SNX18: variants seen among roughly 807,000 people sequenced by gnomAD.
The protein encoded by SNX18 is sorting nexin 18.
A neutral mutation model predicts 48.7 loss-of-function variants in SNX18; 35 were observed. The observed-to-expected ratio is 0.72, with a 90% CI of 0.55 to 0.95. The LOEUF (loss-of-function observed/expected upper bound fraction) is 0.95, where lower values mean the gene tolerates loss of function less well. SNX18 is among the 40% of genes least tolerant of loss of function. SNX18 has a pLI of 0.00. For synonymous variants in SNX18, 492 were observed against 384.7 expected (o/e 1.28, Z -3.26); for missense variants, 824 against 871.0 (o/e 0.95, Z 0.68).
intron 1 of SNX18, among the ~76,000 whole-genome samples, chr5:54,539,598 A>T (rs1208062193): frequency 6.6e-6 from 1 of 151,794 alleles, no homozygotes; most frequent in East Asian, 1.9e-4. Flanking sequence ...GACCTATTTC[A>T]CTTTGCGTCA....
chr5:54,637,581 C>T, the SNX18 span, among the ~76,000 whole-genome samples: 2 of 152,216 alleles, frequency 1.3e-5, no homozygotes, highest in African/African-American at 4.8e-5. Flanking sequence ...AAAAATAGTA[C>T]ATACTAGGTA....
the SNX18 span, among the ~76,000 whole-genome samples, chr5:54,593,268 TA>T: frequency 6.6e-6 from 1 of 152,212 alleles, no homozygotes; most frequent in African/African-American, 2.4e-5. Context: ...ACTCACTGTA[TA>T]AGAAATCTTT....
chr5:54,573,086 A>T, the SNX18 span, among the ~76,000 whole-genome samples: 9 of 152,020 alleles, frequency 5.9e-5, no homozygotes, highest in Non-Finnish European at 1.2e-4. Context: ...TAATATCCTG[A>T]TATCTTGAGA....
At chr5:54,562,232 G>T in the SNX18 span, among the ~76,000 whole-genome samples, 1 of 152,166 alleles carries the variant, frequency 6.6e-6, no homozygotes, top group African/African-American at 2.4e-5. Flanking sequence ...TTGCCAGAGG[G>T]CCATGGTAGG....
chr5:54,642,383 T>C, the SNX18 span, among the ~76,000 whole-genome samples: 2 of 142,598 alleles, frequency 1.4e-5, no homozygotes, highest in East Asian at 2.0e-4. Context: ...TTATGTTGGG[T>C]TTTTTTTTTT....
intron 1 of SNX18, among the ~76,000 whole-genome samples, chr5:54,535,700 G>A (rs1000390376): frequency 2.0e-5 from 3 of 152,156 alleles, no homozygotes; most frequent in African/African-American, 7.2e-5. Context: ...TTAGCTGTGG[G>A]ACTTTGAACA....
At chr5:54,617,155 C>T in the SNX18 span, among the ~76,000 whole-genome samples, 2 of 152,248 alleles carry the variant, frequency 1.3e-5, no homozygotes, top group African/African-American at 4.8e-5. Context: ...AGTGTTCCAA[C>T]TCTCAGTTAA....
chr5:54,572,249 T>G, the SNX18 span, among the ~76,000 whole-genome samples: 2 of 152,224 alleles, frequency 1.3e-5, no homozygotes, highest in Non-Finnish European at 2.9e-5. Context: ...TTTCTGTCTT[T>G]TAACTGCTTG....
the SNX18 span, among the ~76,000 whole-genome samples, chr5:54,636,458 A>T: frequency 6.6e-6 from 1 of 152,086 alleles, no homozygotes; most frequent in East Asian, 1.9e-4. Context: ...TTGTATGCAT[A>T]ACGGAAACAT....
chr5:54,557,695 G>T, the SNX18 span, among the ~76,000 whole-genome samples: 1 of 152,148 alleles, frequency 6.6e-6, no homozygotes, highest in East Asian at 1.9e-4. Context: ...AAATTCAATT[G>T]TACAACATGA....
At chr5:54,551,319 A>G (rs1344457633), downstream of SNX18, among the ~76,000 whole-genome samples, 1 of 152,238 alleles carries the variant, frequency 6.6e-6, no homozygotes, top group Non-Finnish European at 1.5e-5. Flanking sequence ...TCACTGGACC[A>G]TAGTCTGTTG....
chr5:54,536,068 C>T (rs138226443), intron 1 of SNX18, among the ~76,000 whole-genome samples: 2,300 of 152,308 alleles, frequency 0.015, 26 homozygotes, highest in Middle Eastern at 0.024. Flanking sequence ...ATCCTTCCTG[C>T]CTCCTTCACA....
At chr5:54,632,748 C>T in the SNX18 span, among the ~76,000 whole-genome samples, 12 of 152,078 alleles carry the variant, frequency 7.9e-5, no homozygotes, top group African/African-American at 2.7e-4. Context: ...AGAAACAATC[C>T]TTCTAAACCC....
the SNX18 span, among the ~76,000 whole-genome samples, chr5:54,571,299 A>C: frequency 6.6e-6 from 1 of 152,256 alleles, no homozygotes; most frequent in South Asian, 2.1e-4. Flanking sequence ...GTAAATTACG[A>C]GGCTGCAAGC....
At chr5:54,527,104 G>T (rs946125217) in intron 1 of SNX18, among the ~76,000 whole-genome samples, 1 of 152,120 alleles carries the variant, frequency 6.6e-6, no homozygotes, top group Admixed American at 6.5e-5. Context: ...GATTTGCAAG[G>T]CTTTGCAGGT....
At chr5:54,605,194 T>A in the SNX18 span, among the ~76,000 whole-genome samples, 11 of 152,124 alleles carry the variant, frequency 7.2e-5, no homozygotes, top group South Asian at 2.1e-3. Flanking sequence ...TTTTAAGCAG[T>A]TGAGTAACAT....
chr5:54,626,738 G>A, the SNX18 span, among the ~76,000 whole-genome samples: 1 of 152,176 alleles, frequency 6.6e-6, no homozygotes, highest in Admixed American at 6.5e-5. Flanking sequence ...GAACAGCCCT[G>A]ACAACAAATA....
chr5:54,628,710 T>A, the SNX18 span, among the ~76,000 whole-genome samples: 3 of 152,152 alleles, frequency 2.0e-5, no homozygotes, highest in Admixed American at 2.0e-4. Context: ...AATCTTCCTA[T>A]CTCATCTCTC....
In SNX18 at chr5:54,519,301, A is replaced by G. The variant is rs1280212925; in HGVS notation, c.1349A>G (p.Asn450Ser). The G allele has an allele frequency of 1.2e-6, 2 of 1,614,008 alleles. No individual in the cohort carries two copies. The highest frequency in any genetic ancestry group is 2.2e-5 in the East Asian group (1 of 44,856). ...GCGCTGCAGCTCAACCACACGGCCAACGAGTTCGCGCGCAAGCAGGTGACC... is the reference window on the plus strand; with the variant it reads ...GCGCTGCAGCTCAACCACACGGCCAGCGAGTTCGCGCGCAAGCAGGTGACC... ...DSALQLNHTA[N>S]EFARKQVTGF... The change falls in exon 1 of 2, where the codon AAC becomes AGC. Residue 450 changes from asparagine (N) to serine (S), a missense_variant. This residue lies in a region of SNX18 where 443 missense variants were observed against 503.6 expected (regional missense o/e 0.88). Coordinates refer to ENST00000381410, the MANE Select transcript of SNX18 (RefSeq NM_001102575.2).
Sources: allele counts gnomAD v4.1 joint callset (sites outside exome capture counted in the v4.1 genomes callset), GRCh38; gene constraint gnomAD v4.1.1; regional missense constraint gnomAD v4.1.1; transcripts MANE v1.5; gene names NCBI Gene and HGNC (gene_info 2026-07-23, HGNC 2026-07-21).